SPECC1: variants seen among roughly 807,000 people sequenced by gnomAD.
The protein encoded by SPECC1 is sperm antigen with calponin homology and coiled-coil domains 1, also known as cytospin-B.
Under a neutral mutation model 104.1 loss-of-function variants are expected in SPECC1, and 62 were observed. The observed-to-expected ratio is 0.60, with a 90% CI of 0.49 to 0.74. The LOEUF is 0.74. Ranked by LOEUF, SPECC1 falls within the 30% of genes least tolerant of loss-of-function variation. SPECC1 has a pLI of 0.00. For synonymous variants in SPECC1, 513 were observed against 501.6 expected, an observed-to-expected ratio of 1.02 and a Z score of -0.30; for missense variants, 1,306 against 1,310.5, an observed-to-expected ratio of 1.00 and a Z score of 0.05.
intron 2 of SPECC1, among the ~76,000 whole-genome samples, chr17:20,107,138 G>A (rs1334838439): frequency 3.2e-5 from 3 of 93,662 alleles, no homozygotes; most frequent in Non-Finnish European, 5.8e-5. Flanking sequence ...AGTGAGACTC[G>A]TGTCTCAAAA....
rs191413599 is a variant in SPECC1 at position 20,012,246 on chromosome 17, C to T, written c.-22+2822C>T. Among the ~76,000 whole-genome samples the T allele has an allele frequency of 1.6e-3, 250 of 152,182 alleles. 2 individuals carry two copies. Among genetic ancestry groups the T allele is most frequent in the Non-Finnish European group, 5.9e-4 (40 of 67,988 alleles). ...CTGAACTCTTAGTATATTGGGTATA[C>T]AGTTCTATATTAATCTCAAGTTTAT... On this transcript the variant is annotated intron_variant, in intron 1 of 14. Transcript: ENST00000395527.
rs763033374 is a variant in SPECC1, at chr17:20,205,075, C to A, written c.1026C>A (p.Pro342=). The change falls in exon 4 of 15, where the codon CCC becomes CCA. Residue 342 remains proline (P), a synonymous_variant. Transcript: ENST00000395527. ...TTACAGCAGAGACACCCTCAAGGCC[C>A]CTGTCCTCCACCAGTAACCCCTTTA... ...EHITAETPSR[P]LSSTSNPFKS... 72 of 1,614,054 alleles carry A rather than the reference C, an allele frequency of 4.5e-5. No individual in the cohort carries two copies. The South Asian group carries it at 7.9e-4, about 18-fold the overall frequency.
intron 3 of SPECC1, among the ~76,000 whole-genome samples, chr17:20,191,561 G>C (rs145923989): frequency 1.1e-3 from 165 of 147,560 alleles, no homozygotes; most frequent in Non-Finnish European, 1.9e-3. Flanking sequence ...TTGTTACATA[G>C]GTATGCACAT....
chr17:20,313,931 T>G, intron 14 of SPECC1, 45 bp from the exon 15 acceptor site: 1 of 1,578,646 alleles, frequency 6.3e-7, no homozygotes, highest in Non-Finnish European at 8.7e-7. Context: ...AAGGGGTCTG[T>G]GATGTCCTGC....
At chr17:20,278,730 T>A (rs1249922134) in intron 12 of SPECC1, among the ~76,000 whole-genome samples, 1 of 151,062 alleles carries the variant, frequency 6.6e-6, no homozygotes, top group Non-Finnish European at 1.5e-5. Context: ...TTTTTTTTTT[T>A]AAAGGTTCTT....
At chr17:20,274,016 G>A (rs1482442555) in intron 12 of SPECC1, among the ~76,000 whole-genome samples, 4 of 152,034 alleles carry the variant, frequency 2.6e-5, no homozygotes, top group Non-Finnish European at 2.9e-5. Flanking sequence ...TTCTCCTTAA[G>A]GATATTAACC....
intron 1 of SPECC1, among the ~76,000 whole-genome samples, chr17:20,036,062 C>T (rs758830861): frequency 2.0e-5 from 3 of 152,092 alleles, no homozygotes; most frequent in Admixed American, 1.3e-4. Flanking sequence ...CTGCCTGCCT[C>T]GGCCTCCCAA....
chr17:20,126,740 G>A (rs961059114), intron 3 of SPECC1, among the ~76,000 whole-genome samples: 1 of 152,212 alleles, frequency 6.6e-6, no homozygotes, highest in Non-Finnish European at 1.5e-5. Flanking sequence ...ATCTTGACTT[G>A]CTCTCACTTT....
At chr17:20,175,928 C>T (rs947117797) in intron 3 of SPECC1, among the ~76,000 whole-genome samples, 1 of 152,222 alleles carries the variant, frequency 6.6e-6, no homozygotes, top group South Asian at 2.1e-4. Flanking sequence ...AAAAGAGAAC[C>T]ATACTGACCT....
chr17:20,309,092 ATAAT>A (rs1284103472), intron 14 of SPECC1, among the ~76,000 whole-genome samples: 4 of 152,192 alleles, frequency 2.6e-5, no homozygotes, highest in Admixed American at 2.0e-4. Context: ...GACACACATG[ATAAT>A]TAATCTCAAA....
chr17:20,264,405 A>G (rs989068422), intron 12 of SPECC1, among the ~76,000 whole-genome samples: 2 of 144,182 alleles, frequency 1.4e-5, no homozygotes, highest in African/African-American at 5.1e-5. Context: ...TCCCTTGTCT[A>G]GTAGTCCCCA....
chr17:20,248,589 C>A (rs2039510010), intron 9 of SPECC1, among the ~76,000 whole-genome samples: 1 of 152,088 alleles, frequency 6.6e-6, no homozygotes, highest in Non-Finnish European at 1.5e-5. Context: ...AGTAAGTGAA[C>A]AATAATATCT....
intron 13 of SPECC1, among the ~76,000 whole-genome samples, chr17:20,305,351 C>T (rs1192515717): frequency 6.6e-6 from 1 of 151,934 alleles, no homozygotes; most frequent in Non-Finnish European, 1.5e-5. Flanking sequence ...CCCAGTGGGA[C>T]AAAAAATAGA....
chr17:20,041,789 A>AT (rs903010986), intron 1 of SPECC1, among the ~76,000 whole-genome samples: 26 of 146,934 alleles, frequency 1.8e-4, no homozygotes, highest in South Asian at 1.5e-3. Flanking sequence ...ATGCCTTGCT[A>AT]TTTTTTTTTG....
chr17:20,135,907 C>T (rs2029903267), intron 3 of SPECC1, among the ~76,000 whole-genome samples: 1 of 152,176 alleles, frequency 6.6e-6, no homozygotes, highest in South Asian at 2.1e-4. Flanking sequence ...TTGTTCTGTC[C>T]TCTTGGCCAC....
In SPECC1 at chr17:20,318,224, G is replaced by A; in HGVS notation, c.*4159G>A. 4.3e-6 allele frequency: 1 copy of A among 232,244 alleles called. No homozygotes were observed. Among genetic ancestry groups the A allele is most frequent in the East Asian group, 6.1e-5 (1 of 16,466 alleles). 14.4% of individuals were successfully genotyped at this position (232,244 alleles called of 1,614,324 possible). On this transcript the variant is annotated 3_prime_UTR_variant, in exon 15 of 15. Transcript: ENST00000395527. ...CCAGTAGAGTTGGAGAGTTTTTCAA[G>A]GTGAGAAGTCGCTGTTCTCTGCATT...
At position 20,222,062 on chromosome 17, in the gene SPECC1, G is replaced by C. The variant is rs191519287; in HGVS notation, c.1864-5351G>C. Among the ~76,000 whole-genome samples, 650 of 150,456 alleles carry C rather than the reference G, an allele frequency of 4.3e-3. 5 individuals carry two copies. The highest frequency in any genetic ancestry group is 0.015 in the African/African-American group (616 of 40,872). On this transcript the variant is annotated intron_variant, in intron 4 of 14. Transcript: ENST00000395527. ...TTTTAGGAGTTACAGGGCCAGGCGT[G>C]GTGGTTCAAGCCTGTAATCCCAGCG...
intron 10 of SPECC1, among the ~76,000 whole-genome samples, chr17:20,254,796 A>G (rs773108343): frequency 6.6e-6 from 1 of 150,852 alleles, no homozygotes. Context: ...CTACAGCTGT[A>G]CTTCCTTTAG....
intron 5 of SPECC1, 105 bp from the exon 6 acceptor site, chr17:20,231,653 T>A (rs2038587139): frequency 2.1e-6 from 2 of 937,566 alleles, no homozygotes; most frequent in Non-Finnish European, 3.4e-6. Context: ...TGGATTTGGA[T>A]GCCTGTTGTG....
Sources: allele counts gnomAD v4.1 joint callset (sites outside exome capture counted in the v4.1 genomes callset), GRCh38; gene constraint gnomAD v4.1.1; transcripts MANE v1.5; gene names NCBI Gene and HGNC (gene_info 2026-07-23, HGNC 2026-07-21).